IPO11: variants seen among roughly 807,000 people sequenced by gnomAD.
IPO11 encodes importin 11, also known as importin-11.
A neutral mutation model predicts 143.2 loss-of-function variants in IPO11; 66 were observed. The ratio of observed to expected loss-of-function variants is 0.46; its 90% CI spans 0.38 to 0.57. IPO11 has a LOEUF of 0.57. Among genes scored for constraint, IPO11 ranks in the 20% least tolerant of loss-of-function variants. IPO11 has a pLI of 0.00. For missense variants in IPO11, 1,026 were observed against 1,141.0 expected (o/e 0.90, Z 1.45); for synonymous variants, 385 against 377.8 (o/e 1.02, Z -0.22).
intron 5 of IPO11, among the ~76,000 whole-genome samples, chr5:62,454,450 T>C (rs1404720017): frequency 2.6e-5 from 4 of 152,234 alleles, no homozygotes; most frequent in African/African-American, 2.4e-5. Flanking sequence ...TACCAGTCTA[T>C]AGAAGTTTTA....
At chr5:62,590,639 CTA>C (rs1320008815) in intron 27 of IPO11, among the ~76,000 whole-genome samples, 1 of 152,102 alleles carries the variant, frequency 6.6e-6, no homozygotes, top group East Asian at 1.9e-4. Flanking sequence ...GCTTAGATAA[CTA>C]TTTTGAAAAG....
At position 62,431,752 on chromosome 5, in the gene IPO11, GTCA is replaced by G. The variant is rs570880813; in HGVS notation, c.-6-5517_-6-5515del. On this transcript the variant is annotated intron_variant, in intron 1 of 29. Coordinates refer to ENST00000325324, the MANE Select transcript of IPO11 (RefSeq NM_016338.5). ...AGGCCAGGAGTTTGAGACCAGCCTG[GTCA>G]TCATGGTGAAACCCAGCTCTATTAA... Among the ~76,000 whole-genome samples the G allele has an allele frequency of 2.0e-3, 303 of 152,144 alleles. 2 individuals are homozygous for G. The highest frequency in any genetic ancestry group is 7.1e-3 in the African/African-American group (296 of 41,504).
At chr5:62,508,180 G>A (rs1462996277) in intron 19 of IPO11, among the ~76,000 whole-genome samples, 1 of 152,112 alleles carries the variant, frequency 6.6e-6, no homozygotes, top group Non-Finnish European at 1.5e-5. Context: ...GGGCTGGAGT[G>A]CAGTGGCGCA....
chr5:62,549,581 C>T lies in IPO11; in HGVS notation c.2251-786C>T, dbSNP rs915727744. 2.0e-5 allele frequency among the ~76,000 whole-genome samples: 3 copies of T among 152,220 alleles called. No individual in the cohort carries two copies. The East Asian group carries it at 5.8e-4, about 29-fold the overall frequency. On this transcript the variant is annotated intron_variant, in intron 24 of 29. Coordinates refer to ENST00000325324, the MANE Select transcript of IPO11 (RefSeq NM_016338.5). ...GGCTGTTCCTTGCCCATAACCCTCT[C>T]AGATGGTATCTGTTTCCTTCCCCAC...
Position 62,483,096 on chromosome 5 carries a change from T to C in IPO11, c.829-5T>C, listed in dbSNP as rs772526004. 2.4e-5 allele frequency: 37 copies of C among 1,534,274 alleles called. No individual in the cohort carries two copies. The South Asian group carries it at 4.4e-4, about 18-fold the overall frequency. ...TTTAATTTTTATTTATTTATTTTTCTACAGCTTTTGGACTTCTTGGATCAG... is the reference window on the plus strand; with the variant it reads ...TTTAATTTTTATTTATTTATTTTTCCACAGCTTTTGGACTTCTTGGATCAG... On this transcript the variant is annotated splice_polypyrimidine_tract_variant and splice_region_variant and intron_variant, in intron 9 of 29. Transcript: ENST00000325324.
At chr5:62,541,661 A>G (rs1302358068) in intron 24 of IPO11, among the ~76,000 whole-genome samples, 2 of 152,014 alleles carry the variant, frequency 1.3e-5, no homozygotes, top group African/African-American at 4.8e-5. Flanking sequence ...AGCCTAGACA[A>G]TAGAGTGAGA....
intron 3 of IPO11, among the ~76,000 whole-genome samples, chr5:62,448,913 A>C (rs975852957): frequency 1.3e-5 from 2 of 152,166 alleles, no homozygotes; most frequent in African/African-American, 4.8e-5. Context: ...AATTCTGTGT[A>C]ATCCCTCTTG....
chr5:62,466,321 C>G (rs1201144563), intron 5 of IPO11, among the ~76,000 whole-genome samples: 1 of 152,066 alleles, frequency 6.6e-6, no homozygotes, highest in Non-Finnish European at 1.5e-5. Flanking sequence ...TTCATAGAAA[C>G]ATGATTTTAA....
intron 20 of IPO11, among the ~76,000 whole-genome samples, chr5:62,523,692 GGAA>G (rs1217892490): frequency 6.6e-6 from 1 of 152,170 alleles, no homozygotes; most frequent in Non-Finnish European, 1.5e-5. Context: ...AGGAAATACA[GGAA>G]GAAGAACTGT....
At chr5:62,452,226 CAG>C (rs1413782960) in intron 5 of IPO11, among the ~76,000 whole-genome samples, 2 of 145,558 alleles carry the variant, frequency 1.4e-5, no homozygotes, top group African/African-American at 5.7e-5. Context: ...GCCTGGGCGA[CAG>C]GGCGAGACTC....
In IPO11 at chr5:62,523,043, T is replaced by C. The variant is rs559783864; in HGVS notation, c.1897-3099T>C. ...GCCATTAGTTCCTCAGTCTTTTTTC[T>C]GTAGTGTAAATCAGGTAGTTTGTCT... is the stretch of plus-strand genomic sequence containing the variant. On this transcript the variant is annotated intron_variant, in intron 20 of 29. Transcript: ENST00000325324. 7.9e-5 allele frequency among the ~76,000 whole-genome samples: 12 copies of C among 152,368 alleles called. No homozygotes were observed. In the East Asian group the frequency reaches 2.3e-3, roughly 29 times the overall value.
At chr5:62,427,589 TC>T (rs1432707944) in intron 1 of IPO11, among the ~76,000 whole-genome samples, 1 of 152,206 alleles carries the variant, frequency 6.6e-6, no homozygotes, top group East Asian at 1.9e-4. Flanking sequence ...TCCTGTCAGA[TC>T]AGCAGCAGCA....
rs1416355321 is a variant in IPO11 at position 62,506,366 on chromosome 5, A to G, written c.1782+9A>G. The stretch of plus-strand genomic sequence containing the variant: ...AAAGAGTCAACATGCAGGTAATTAT[A>G]TTGTAAAACATGAAAATAAATGAGG... On this transcript the variant is annotated intron_variant, in intron 19 of 29. Coordinates refer to ENST00000325324, the MANE Select transcript of IPO11 (RefSeq NM_016338.5). 5.1e-6 allele frequency: 7 copies of G among 1,363,252 alleles called. No homozygotes were observed. Among genetic ancestry groups the G allele is most frequent in the Non-Finnish European group, 6.3e-6 (6 of 956,704 alleles). The allele number at this position is 1,363,252 out of a possible 1,614,324, so 84.4% of individuals were successfully genotyped here. A position where few individuals can be genotyped will look rare whatever the true frequency, so the allele number is the denominator to read the frequency against.
intron 5 of IPO11, among the ~76,000 whole-genome samples, chr5:62,466,723 T>C (rs953113629): frequency 2.0e-5 from 3 of 152,246 alleles, no homozygotes; most frequent in African/African-American, 7.2e-5. Flanking sequence ...CACGGAAGGC[T>C]TTCTCCTTTG....
chr5:62,516,537 G>A (rs971918929), intron 20 of IPO11, among the ~76,000 whole-genome samples: 42 of 151,996 alleles, frequency 2.8e-4, no homozygotes, highest in African/African-American at 9.4e-4. Context: ...CAAGTGATCC[G>A]CCCACCTCAG....
At chr5:62,586,760 AAAAAAAAAATAT>A (rs1333001362) in intron 27 of IPO11, among the ~76,000 whole-genome samples, 3 of 81,614 alleles carry the variant, frequency 3.7e-5, no homozygotes, top group Non-Finnish European at 7.3e-5. Context: ...TCCAAAAAAA[AAAAAAAAAATAT>A]ATATATATAT....
intron 19 of IPO11, among the ~76,000 whole-genome samples, chr5:62,507,218 C>T (rs574578223): frequency 2.1e-4 from 32 of 152,120 alleles, no homozygotes; most frequent in Non-Finnish European, 3.8e-4. Context: ...TCAAAGTTCA[C>T]GTATTTTAAT....
At chr5:62,488,738 C>CAAA (rs1409971577) in intron 13 of IPO11, among the ~76,000 whole-genome samples, 23 of 152,138 alleles carry the variant, frequency 1.5e-4, no homozygotes, top group Non-Finnish European at 4.4e-5. Context: ...CATGGTGACT[C>CAAA]ACGCCTGTAA....
At chr5:62,604,529 C>T (rs1745630886) in intron 29 of IPO11, among the ~76,000 whole-genome samples, 2 of 152,162 alleles carry the variant, frequency 1.3e-5, no homozygotes, top group East Asian at 1.9e-4. Context: ...ATCTTAAATA[C>T]GTGGAAAGTA....
Sources: allele counts gnomAD v4.1 joint callset (sites outside exome capture counted in the v4.1 genomes callset), GRCh38; gene constraint gnomAD v4.1.1; transcripts MANE v1.5; gene names NCBI Gene and HGNC (gene_info 2026-07-23, HGNC 2026-07-21).